Variants in UGGT2 observed in about 807,000 individuals in gnomAD.
The protein encoded by UGGT2 is UDP-glucose glycoprotein glucosyltransferase 2.
In UGGT2, 180 loss-of-function variants were observed where a neutral mutation model predicts 192.1. The ratio of observed to expected loss-of-function variants is 0.94; its 90% CI spans 0.83 to 1.06. The LOEUF (loss-of-function observed/expected upper bound fraction) is 1.06. Among genes scored for constraint, UGGT2 ranks in the 50% least tolerant of loss-of-function variants. The pLI is 0.00. For synonymous variants in UGGT2, 580 were observed against 591.0 expected (o/e 0.98, Z 0.27); for missense variants, 1,849 against 1,795.7 (o/e 1.03, Z -0.54).
intron 36 of UGGT2, among the ~76,000 whole-genome samples, chr13:95,847,992 G>C (rs1301453220): frequency 6.6e-6 from 1 of 152,142 alleles, no homozygotes; most frequent in Non-Finnish European, 1.5e-5. Flanking sequence ...CTGGATTTTG[G>C]CCTTCCTAAT....
In UGGT2 at chr13:95,990,038, G is replaced by A. The variant is rs1450218092; in HGVS notation, c.866C>T (p.Ala289Val). The A allele has an allele frequency of 6.2e-7, 1 of 1,604,492 alleles. No homozygotes were observed. The change falls in exon 8 of 39, where the codon GCA becomes GTA. Residue 289 changes from alanine (A) to valine (V), a missense_variant. Coordinates refer to ENST00000376747, the MANE Select transcript of UGGT2 (RefSeq NM_020121.4). Reference sequence around the variant, plus strand: ...ACTCTCAATCAGGTATTTTTGGAATGCTGTCAGATTATCTCTAAGATCTGA... The same window carrying A: ...ACTCTCAATCAGGTATTTTTGGAATACTGTCAGATTATCTCTAAGATCTGA... ...IYSDLRDNLT[A>V]FQKYLIESNK...
At position 95,891,268 on chromosome 13, in the gene UGGT2, G is replaced by A. The variant is rs2047793647; in HGVS notation, c.2856-304C>T. Among the ~76,000 whole-genome samples, 3 of 152,040 alleles carry A rather than the reference G, an allele frequency of 2.0e-5. No individual in the cohort carries two copies. The South Asian group carries it at 6.2e-4, about 31-fold the overall frequency. On this transcript the variant is annotated intron_variant, in intron 24 of 38. Coordinates refer to ENST00000376747, the MANE Select transcript of UGGT2 (RefSeq NM_020121.4). Reference sequence around the variant, plus strand: ...TAGGCCCTCAACATTCTCATGGATTGTACAATTTAAAAAATAAAGCTAAGA... The same window carrying A: ...TAGGCCCTCAACATTCTCATGGATTATACAATTTAAAAAATAAAGCTAAGA...
At chr13:95,862,442 T>C (rs1890247047) in intron 31 of UGGT2, among the ~76,000 whole-genome samples, 1 of 152,194 alleles carries the variant, frequency 6.6e-6, no homozygotes. Flanking sequence ...GCTTTTGTTT[T>C]TGCTCACCTA....
intron 38 of UGGT2, among the ~76,000 whole-genome samples, chr13:95,818,979 C>T (rs546444160): frequency 1.3e-5 from 2 of 152,214 alleles, no homozygotes; most frequent in African/African-American, 4.8e-5. Flanking sequence ...TATTACCTTC[C>T]CTAGGATCCT....
rs377663400 is a variant in UGGT2, at chr13:95,943,187, T to C, written c.1678-3096A>G. ...AGTCTCACCCATTTTGAGTCTTCAT[T>C]CTTCCATATAAATTTTAAAATAAAA... is the stretch of plus-strand genomic sequence containing the variant. On this transcript the variant is annotated intron_variant, in intron 15 of 38. Transcript: ENST00000376747. Among the ~76,000 whole-genome samples, 9 of 152,232 alleles carry C rather than the reference T, an allele frequency of 5.9e-5. No individual in the cohort carries two copies. In the East Asian group the frequency reaches 1.5e-3, roughly 26 times the overall value.
At position 95,972,458 on chromosome 13, in the gene UGGT2, T is replaced by C. The variant is rs2050802479; in HGVS notation, c.1184+122A>G. The C allele has an allele frequency of 4.3e-6, 4 of 923,642 alleles. No individual in the cohort carries two copies. In the East Asian group the frequency reaches 8.1e-5, roughly 19 times the overall value. The allele number at this position is 923,642 out of a possible 1,614,324, so 57.2% of individuals were successfully genotyped here. On this transcript the variant is annotated intron_variant, in intron 11 of 38. Coordinates refer to ENST00000376747, the MANE Select transcript of UGGT2 (RefSeq NM_020121.4). ...ATTTTGGTAGAAGAAAGCTGTTTTG[T>C]ACAATCAAAAACATGTATTTATCTT...
At chr13:95,965,148 G>C (rs2050529166) in intron 12 of UGGT2, among the ~76,000 whole-genome samples, 1 of 151,134 alleles carries the variant, frequency 6.6e-6, no homozygotes, top group Non-Finnish European at 1.5e-5. Flanking sequence ...TGGTGGGACT[G>C]TAAACTAGTT....
At chr13:95,961,597 T>A (rs2050394293) in intron 12 of UGGT2, among the ~76,000 whole-genome samples, 1 of 151,894 alleles carries the variant, frequency 6.6e-6, no homozygotes, top group South Asian at 2.1e-4. Context: ...CCTACACATA[T>A]AAAGCAAACA....
At chr13:95,846,030 A>G (rs1160639203) in intron 36 of UGGT2, among the ~76,000 whole-genome samples, 2 of 152,028 alleles carry the variant, frequency 1.3e-5, no homozygotes, top group African/African-American at 2.4e-5. Flanking sequence ...GGTGGCGGCC[A>G]GGCAGAGGCT....
At chr13:95,916,170 C>G (rs534567828) in intron 20 of UGGT2, among the ~76,000 whole-genome samples, 1 of 152,130 alleles carries the variant, frequency 6.6e-6, no homozygotes, top group Non-Finnish European at 1.5e-5. Flanking sequence ...AGGTCTGTAC[C>G]CCCCTAGGAC....
chr13:96,053,389 CCG>C lies in UGGT2; in HGVS notation c.-79_-78del, dbSNP rs1233819950. The stretch of plus-strand genomic sequence containing the variant: ...GCCGCCACGCTTCGGCCGGCTCTTC[CCG>C]CTGCGCGGCTGCCCACTTCCGGTGG... On this transcript the variant is annotated 5_prime_UTR_variant, in exon 1 of 39. Coordinates refer to ENST00000376747, the MANE Select transcript of UGGT2 (RefSeq NM_020121.4). 14 of 1,513,586 alleles carry C rather than the reference CCG, an allele frequency of 9.2e-6. No individual in the cohort carries two copies. Among genetic ancestry groups the C allele is most frequent in the Non-Finnish European group, 1.1e-5 (13 of 1,140,224 alleles). The allele number at this position is 1,513,586 out of a possible 1,614,324, so 93.8% of individuals were successfully genotyped here.
At chr13:95,891,561 A>G (rs190459049) in intron 24 of UGGT2, among the ~76,000 whole-genome samples, 4 of 152,150 alleles carry the variant, frequency 2.6e-5, no homozygotes, top group Non-Finnish European at 5.9e-5. Flanking sequence ...GAAAATGATT[A>G]AAAGTACAGA....
chr13:95,962,929 T>C (rs1329945557), intron 12 of UGGT2, among the ~76,000 whole-genome samples: 1 of 152,102 alleles, frequency 6.6e-6, no homozygotes, highest in Non-Finnish European at 1.5e-5. Context: ...CTTATATGGA[T>C]GGCAGCAAGC....
intron 5 of UGGT2, among the ~76,000 whole-genome samples, chr13:96,001,811 C>T (rs2051815181): frequency 6.6e-6 from 1 of 152,192 alleles, no homozygotes; most frequent in East Asian, 1.9e-4. Context: ...CCAGCCTCTC[C>T]TCTTCCATTT....
chr13:95,812,902 C>G (rs1405713973), intron 38 of UGGT2, among the ~76,000 whole-genome samples: 1 of 152,154 alleles, frequency 6.6e-6, no homozygotes. Flanking sequence ...GATGGATGCA[C>G]AACTCCGTGA....
In UGGT2 at chr13:95,842,812, C is replaced by A. The variant is rs545054559; in HGVS notation, c.4285-5610G>T. Among the ~76,000 whole-genome samples the A allele has an allele frequency of 2.9e-4, 44 of 152,296 alleles. No individual in the cohort carries two copies. In the South Asian group the frequency reaches 7.5e-3, roughly 26 times the overall value. ...CGTATAATAGCTCTTGAAGAATAAACCCTGTCCACAACCATGTGAGTGACT... is the reference window on the plus strand; with the variant it reads ...CGTATAATAGCTCTTGAAGAATAAAACCTGTCCACAACCATGTGAGTGACT... On this transcript the variant is annotated intron_variant, in intron 36 of 38. Transcript: ENST00000376747.
chr13:95,905,255 A>T, intron 20 of UGGT2, among the ~76,000 whole-genome samples: 1 of 146,776 alleles, frequency 6.8e-6, no homozygotes, highest in African/African-American at 2.5e-5. Context: ...TTGCCTGTTC[A>T]CTCTGATGGT....
intron 32 of UGGT2, 114 bp from the exon 33 acceptor site, chr13:95,859,789 T>C: frequency 1.3e-6 from 1 of 760,966 alleles, no homozygotes; most frequent in Non-Finnish European, 2.0e-6. Context: ...AATTTTACTT[T>C]AAGTTCTGGG....
At chr13:95,821,113 G>A (rs1047798191) in intron 38 of UGGT2, among the ~76,000 whole-genome samples, 2 of 152,056 alleles carry the variant, frequency 1.3e-5, no homozygotes, top group Non-Finnish European at 2.9e-5. Flanking sequence ...CTAGCAGCGG[G>A]ATTTCTGTAT....
Sources: allele counts gnomAD v4.1 joint callset (sites outside exome capture counted in the v4.1 genomes callset), GRCh38; gene constraint gnomAD v4.1.1; transcripts MANE v1.5; gene names NCBI Gene and HGNC (gene_info 2026-07-23, HGNC 2026-07-21).